Variants in MGST1 observed in about 807,000 individuals in gnomAD.
MGST1 encodes the protein glutathione S-transferase 12.
Under a neutral mutation model 8.9 loss-of-function variants are expected in MGST1, and 5 were observed. The ratio of observed to expected loss-of-function variants is 0.56; its 90% CI spans 0.29 to 1.19. MGST1 has a LOEUF of 1.19. Among genes scored for constraint, MGST1 ranks in the 50% most tolerant of loss-of-function variants. The probability of loss-of-function intolerance (pLI) is 0.08; values close to 1 mark genes in which losing one functional copy is unlikely to be tolerated. For synonymous variants in MGST1, 54 were observed against 67.8 expected, an observed-to-expected ratio of 0.80 and a Z score of 1.00; for missense variants, 182 against 187.4, an observed-to-expected ratio of 0.97 and a Z score of 0.17.
At chr12:16,453,630 G>A (rs563627287) in intron 4 of MGST1, among the ~76,000 whole-genome samples, 3 of 151,960 alleles carry the variant, frequency 2.0e-5, no homozygotes, top group South Asian at 2.1e-4. Context: ...GATAAATGTC[G>A]GGATCAAGGT....
chr12:16,388,246 A>G (rs1480719029), intron 1 of MGST1, among the ~76,000 whole-genome samples: 2 of 152,060 alleles, frequency 1.3e-5, no homozygotes, highest in Non-Finnish European at 2.9e-5. Flanking sequence ...GTACCTAAAC[A>G]TAGAAAAGGT....
At chr12:16,430,553 T>C (rs1940929132) in intron 1 of MGST1, among the ~76,000 whole-genome samples, 1 of 152,114 alleles carries the variant, frequency 6.6e-6, no homozygotes, top group Non-Finnish European at 1.5e-5. Context: ...TACTTACACA[T>C]CCATCAGAGC....
intron 4 of MGST1, among the ~76,000 whole-genome samples, chr12:16,464,963 C>T (rs1311306038): frequency 1.3e-5 from 2 of 152,180 alleles, no homozygotes; most frequent in Non-Finnish European, 2.9e-5. Flanking sequence ...ATTTACCTGA[C>T]ACAGCAGTGC....
intron 4 of MGST1, among the ~76,000 whole-genome samples, chr12:16,578,122 G>T (rs77208879): frequency 6.6e-6 from 1 of 152,044 alleles, no homozygotes; most frequent in Non-Finnish European, 1.5e-5. Flanking sequence ...CAGAAGTCTT[G>T]CCAGGCAACA....
chr12:16,507,522 G>A (rs927136767), intron 4 of MGST1, among the ~76,000 whole-genome samples: 2 of 152,050 alleles, frequency 1.3e-5, no homozygotes, highest in African/African-American at 4.8e-5. Context: ...GAGGAGGAAT[G>A]GATTAGTTCT....
chr12:16,451,805 T>C (rs566398909), intron 4 of MGST1, among the ~76,000 whole-genome samples: 2 of 151,906 alleles, frequency 1.3e-5, no homozygotes, highest in Non-Finnish European at 2.9e-5. Flanking sequence ...TGTTAACATA[T>C]TTCAATAAGT....
At chr12:16,398,522 T>C (rs1940625532) in intron 1 of MGST1, among the ~76,000 whole-genome samples, 1 of 152,166 alleles carries the variant, frequency 6.6e-6, no homozygotes, top group South Asian at 2.1e-4. Context: ...CTAGAAGCAG[T>C]ACATGAGGCA....
At position 16,500,100 on chromosome 12, in the gene MGST1, A is replaced by G. The variant is rs1177996325; in HGVS notation, n.483-89428A>G. Among the ~76,000 whole-genome samples the G allele has an allele frequency of 6.6e-6, 1 of 152,180 alleles. No individual in the cohort carries two copies. The highest frequency in any genetic ancestry group is 2.4e-5 in the African/African-American group (1 of 41,464). The stretch of plus-strand genomic sequence containing the variant: ...AACTTTAGATATTTGTCAACAATTA[A>G]TTATTTCTTAAAGATTATACTGTTG... On this transcript the variant is annotated intron_variant and non_coding_transcript_variant, in intron 4 of 4. Transcript: ENST00000538857. This position sits in a 1 kb window ranked among gnomAD's most constrained non-coding sequence, Gnocchi z 4.3.
intron 4 of MGST1, among the ~76,000 whole-genome samples, chr12:16,552,714 T>C (rs781611362): frequency 7.9e-5 from 12 of 152,104 alleles, no homozygotes; most frequent in Non-Finnish European, 1.8e-4. Flanking sequence ...AAGCACAGAC[T>C]ATGCACTGAT....
rs1244238209 is a variant in MGST1, at chr12:16,587,356, G to C, written n.483-2172G>C. Among the ~76,000 whole-genome samples the C allele has an allele frequency of 6.6e-6, 1 of 152,068 alleles. No individual in the cohort carries two copies. Among genetic ancestry groups the C allele is most frequent in the Non-Finnish European group, 1.5e-5 (1 of 67,996 alleles). On this transcript the variant is annotated intron_variant and non_coding_transcript_variant, in intron 4 of 4. Transcript: ENST00000538857. This position sits in a 1 kb window ranked among gnomAD's most constrained non-coding sequence, Gnocchi z 4.3. ...TAAGTAACTGTTTAAAAATTCCAAA[G>C]CATTCTTAAAACGTTTCACTTAAAC...
chr12:16,350,514 A>C (rs1939411876), intron 1 of MGST1, among the ~76,000 whole-genome samples: 1 of 152,094 alleles, frequency 6.6e-6, no homozygotes, highest in Non-Finnish European at 1.5e-5. Flanking sequence ...ATACAGGACC[A>C]CTCTTCTCCC....
At chr12:16,407,876 A>G (rs1940709363) in intron 1 of MGST1, among the ~76,000 whole-genome samples, 1 of 151,914 alleles carries the variant, frequency 6.6e-6, no homozygotes, top group South Asian at 2.1e-4. Context: ...TACTAAAAAT[A>G]CAAAAATTAG....
intron 1 of MGST1, among the ~76,000 whole-genome samples, chr12:16,386,268 C>CTGTT (rs1164860350): frequency 6.6e-6 from 1 of 152,182 alleles, no homozygotes; most frequent in Non-Finnish European, 1.5e-5. Context: ...GACATCAGTG[C>CTGTT]TGTACACGCG....
Position 16,401,196 on chromosome 12 carries a change from C to T in MGST1, n.778+17592C>T, listed in dbSNP as rs1940652636. ...GAACAGTAGCTGGGCCATCCTCATC[C>T]ATAAGCACTGTGTCACTAAGGAACA... On this transcript the variant is annotated intron_variant and non_coding_transcript_variant, in intron 1 of 1. Transcript: ENST00000359720. This position sits in a 1 kb window ranked among gnomAD's most constrained non-coding sequence, Gnocchi z 4.3. 6 of 1,558,210 alleles carry T rather than the reference C, an allele frequency of 3.9e-6. No individual in the cohort carries two copies. Among genetic ancestry groups the T allele is most frequent in the Non-Finnish European group, 5.3e-6 (6 of 1,131,204 alleles).
At chr12:16,365,752 C>T (rs76215638), downstream of MGST1, among the ~76,000 whole-genome samples, 7 of 84,140 alleles carry the variant, frequency 8.3e-5, no homozygotes, top group African/African-American at 2.3e-4. Flanking sequence ...CGCACACACA[C>T]ACACACACAC....
At chr12:16,380,897 G>A (rs564399382), downstream of MGST1, among the ~76,000 whole-genome samples, 125 of 152,114 alleles carry the variant, frequency 8.2e-4, no homozygotes, top group African/African-American at 2.5e-3. Context: ...CCATTATGTA[G>A]TGGCCTTCTT....
chr12:16,513,741 C>G lies in MGST1; in HGVS notation n.483-75787C>G, dbSNP rs1941592477. 6 of 573,908 alleles carry G rather than the reference C, an allele frequency of 1.0e-5. No homozygotes were observed. The highest frequency in any genetic ancestry group is 2.1e-5 in the Non-Finnish European group (6 of 286,970). 35.6% of individuals were successfully genotyped at this position (573,908 alleles called of 1,614,324 possible). On this transcript the variant is annotated intron_variant and non_coding_transcript_variant, in intron 4 of 4. Transcript: ENST00000538857. The surrounding 1 kb of genome is among the most constrained non-coding windows in gnomAD (Gnocchi z 4.2). ...TAGCCTTGGGCGAGAATAGCGAAGTCTCGAAAAGTGGCCGGTTTGTCACTG... is the reference window on the plus strand; with the variant it reads ...TAGCCTTGGGCGAGAATAGCGAAGTGTCGAAAAGTGGCCGGTTTGTCACTG...
At chr12:16,466,163 G>A (rs572138037) in intron 4 of MGST1, among the ~76,000 whole-genome samples, 8 of 152,226 alleles carry the variant, frequency 5.3e-5, no homozygotes, top group South Asian at 2.1e-4. Flanking sequence ...TTAGAGACAC[G>A]TCATTTCTGA....
At chr12:16,505,326 C>A (rs1941530670) in intron 4 of MGST1, among the ~76,000 whole-genome samples, 1 of 152,190 alleles carries the variant, frequency 6.6e-6, no homozygotes, top group Admixed American at 6.5e-5. Context: ...TGAGGTTCAT[C>A]CATAGACAAC....
Sources: allele counts gnomAD v4.1 joint callset (sites outside exome capture counted in the v4.1 genomes callset), GRCh38; gene constraint gnomAD v4.1.1; non-coding constraint Gnocchi (gnomAD v3.1); transcripts MANE v1.5; gene names NCBI Gene and HGNC (gene_info 2026-07-23, HGNC 2026-07-21).